TRIM49C: variants seen among roughly 807,000 people sequenced by gnomAD.
TRIM49C encodes the protein tripartite motif containing 49C, also known as tripartite motif-containing protein 49C.
In TRIM49C, 6 loss-of-function variants were observed where a neutral mutation model predicts 21.4. The ratio of observed to expected loss-of-function variants is 0.28; its 90% CI spans 0.15 to 0.55. The LOEUF (loss-of-function observed/expected upper bound fraction) is 0.55, where lower values mean the gene tolerates loss of function less well. Ranked by LOEUF, TRIM49C falls within the 20% of genes least tolerant of loss-of-function variation. The pLI, the probability that TRIM49C is intolerant of heterozygous loss-of-function variation, is 0.94. For synonymous variants in TRIM49C, 57 were observed against 148.1 expected (o/e 0.38, Z 4.47); for missense variants, 161 against 442.4 (o/e 0.36, Z 5.71).
the TRIM49C span, among the ~76,000 whole-genome samples, chr11:90,061,610 GTT>G: frequency 1.1e-5 from 1 of 93,808 alleles, no homozygotes; most frequent in Non-Finnish European, 1.9e-5. Context: ...ATATTATGCA[GTT>G]TTTTTTTACT....
the TRIM49C span, among the ~76,000 whole-genome samples, chr11:90,054,091 C>G: frequency 7.3e-6 from 1 of 136,504 alleles, no homozygotes; most frequent in South Asian, 2.5e-4. Context: ...ATAATAAAGT[C>G]TAATTAATGA....
At chr11:90,071,871 A>G in the TRIM49C span, 5 of 610,694 alleles carry the variant, frequency 8.2e-6, 1 homozygote, top group Non-Finnish European at 1.4e-5. Context: ...TCCCAGTGTA[A>G]CGATTTTTCA....
In TRIM49C at chr11:90,036,001, C is replaced by T; in HGVS notation, c.507+18C>T. 1.7e-6 allele frequency: 1 copy of T among 591,212 alleles called. No individual in the cohort carries two copies. The allele number at this position is 591,212 out of a possible 1,614,324, so 36.6% of individuals were successfully genotyped here. ...GCTGGAAGGTTAGTCCTGTACTACT[C>T]TACCTTCTCCAGGAACTTATGGTGG... On this transcript the variant is annotated intron_variant, in intron 4 of 7. Transcript: ENST00000448984.
At chr11:90,031,705 G>T (rs1232014245) in intron 1 of TRIM49C, among the ~76,000 whole-genome samples, 1 of 151,104 alleles carries the variant, frequency 6.6e-6, no homozygotes, top group Non-Finnish European at 1.5e-5. Context: ...TAAATTCAAT[G>T]AGAGACCCCA....
chr11:90,072,111 T>C, the TRIM49C span, among the ~76,000 whole-genome samples: 11 of 141,408 alleles, frequency 7.8e-5, 1 homozygote, highest in South Asian at 1.2e-3. Context: ...CTGAATTAAT[T>C]CAGGACATTT....
downstream of TRIM49C, among the ~76,000 whole-genome samples, chr11:90,046,473 T>C (rs1404710390): frequency 1.6e-5 from 2 of 125,294 alleles, no homozygotes; most frequent in South Asian, 2.9e-4. Flanking sequence ...TATTGATCTA[T>C]TCAGGGATTC....
chr11:90,073,295 T>G, the TRIM49C span: 1 of 1,028,290 alleles, frequency 9.7e-7, no homozygotes, highest in Non-Finnish European at 1.5e-6. Flanking sequence ...AAGTGTGAGT[T>G]TTTTGAATGT....
At chr11:90,033,500 C>A (rs1381315796) in intron 2 of TRIM49C, among the ~76,000 whole-genome samples, 1 of 132,248 alleles carries the variant, frequency 7.6e-6, no homozygotes, top group Non-Finnish European at 1.6e-5. Context: ...AAATAGTTAT[C>A]ATTGTGTTAC....
At chr11:90,053,637 G>A in the TRIM49C span, 1 of 152,640 alleles carries the variant, frequency 6.6e-6, no homozygotes, top group Non-Finnish European at 1.5e-5. Context: ...ATTCAGTGCG[G>A]TCCTCCTCGA....
downstream of TRIM49C, among the ~76,000 whole-genome samples, chr11:90,045,761 C>G (rs933452062): frequency 8.6e-6 from 1 of 115,674 alleles, no homozygotes; most frequent in African/African-American, 3.5e-5. Context: ...ATTGAATACC[C>G]TTTATTTCTT....
chr11:90,054,811 CA>C, the TRIM49C span, among the ~76,000 whole-genome samples: 2 of 138,348 alleles, frequency 1.4e-5, no homozygotes, highest in Non-Finnish European at 3.1e-5. Context: ...TAAATAGACA[CA>C]AAAACTTTTT....
the TRIM49C span, among the ~76,000 whole-genome samples, chr11:90,060,593 CAT>C: frequency 7.3e-6 from 1 of 136,768 alleles, no homozygotes; most frequent in Non-Finnish European, 1.6e-5. Flanking sequence ...AACAGAGAAC[CAT>C]ATGAGAAACA....
the TRIM49C span, among the ~76,000 whole-genome samples, chr11:90,067,557 C>A: frequency 1.4e-5 from 2 of 143,550 alleles, 1 homozygote; most frequent in Non-Finnish European, 3.0e-5. Context: ...TTTAATAAAC[C>A]TAGAGTTGAC....
chr11:90,059,535 AG>A, the TRIM49C span, among the ~76,000 whole-genome samples: 1 of 48,740 alleles, frequency 2.1e-5, no homozygotes. Flanking sequence ...CAACTTCTAA[AG>A]TCATTAAAAG....
At chr11:90,056,579 A>G in the TRIM49C span, among the ~76,000 whole-genome samples, 1 of 90,640 alleles carries the variant, frequency 1.1e-5, no homozygotes, top group African/African-American at 4.2e-5. Context: ...ATAGATATTC[A>G]TTAGTATGTT....
chr11:90,038,783 A>G (rs1950745632), intron 6 of TRIM49C, 68 bp downstream of exon 6: 1 of 635,588 alleles, frequency 1.6e-6, no homozygotes, highest in East Asian at 3.8e-5. Context: ...AGGCTCTATT[A>G]AAGTCATGGC....
the TRIM49C span, among the ~76,000 whole-genome samples, chr11:90,069,252 T>C: frequency 1.7e-5 from 2 of 121,126 alleles, no homozygotes; most frequent in East Asian, 2.3e-4. Flanking sequence ...CTACAGGCGC[T>C]CGCCACCACG....
chr11:90,071,354 A>T, the TRIM49C span, among the ~76,000 whole-genome samples: 618 of 141,296 alleles, frequency 4.4e-3, 76 homozygotes, highest in Non-Finnish European at 3.9e-3. Context: ...CTTATCAGAC[A>T]TTAAACTTTT....
the TRIM49C span, among the ~76,000 whole-genome samples, chr11:90,048,847 T>A: frequency 8.0e-6 from 1 of 124,550 alleles, no homozygotes; most frequent in South Asian, 3.0e-4. Flanking sequence ...GTGCTCTGAT[T>A]TTTAGAATTT....
Sources: gnomAD v4.1 joint callset for allele counts (sites outside exome capture counted in the v4.1 genomes callset) on GRCh38, gnomAD v4.1.1 for gene constraint, MANE v1.5 for transcripts, NCBI Gene and HGNC (gene_info 2026-07-23, HGNC 2026-07-21) for gene names.